SUCO: variants seen among roughly 807,000 people sequenced by gnomAD.
SUCO encodes SUN domain containing ossification factor.
A neutral mutation model predicts 148.1 loss-of-function variants in SUCO; 57 were observed. That is an observed-to-expected ratio of 0.38 (90% CI 0.31 to 0.48). The LOEUF (loss-of-function observed/expected upper bound fraction) is 0.48. Among genes scored for constraint, SUCO ranks in the 20% least tolerant of loss-of-function variants. The pLI, the probability that SUCO is intolerant of heterozygous loss-of-function variation, is 0.96. For missense variants in SUCO, 1,331 were observed against 1,468.2 expected, an observed-to-expected ratio of 0.91 and a Z score of 1.53; for synonymous variants, 470 against 502.7, an observed-to-expected ratio of 0.93 and a Z score of 0.87.
chr1:172,573,919 C>A lies in SUCO; in HGVS notation c.1078C>A (p.Gln360Lys). 1 of 1,598,408 alleles carries A rather than the reference C, an allele frequency of 6.3e-7. No individual in the cohort carries two copies. Among genetic ancestry groups the A allele is most frequent in the South Asian group, 1.1e-5 (1 of 89,404 alleles). ...TGTTATTGAACTTTGTGAACCAATT[C>A]AAGTAAAACAGCTTGATATTGCAAA... is the stretch of plus-strand genomic sequence containing the variant. ...WFVIELCEPI[Q>K]VKQLDIANYE... The change falls in exon 10 of 24, where the codon CAA becomes AAA. Residue 360 changes from glutamine (Q) to lysine (K), a missense_variant. By Grantham distance (53) the Gln-to-Lys change is moderately conservative. This residue lies in a region of SUCO where 992 missense variants were observed against 1,093.5 expected (regional missense o/e 0.91). Transcript: ENST00000263688.
At chr1:172,584,965 T>A in intron 15 of SUCO, 53 bp from the exon 16 acceptor site, 1 of 1,154,996 alleles carries the variant, frequency 8.7e-7, no homozygotes, top group Non-Finnish European at 1.2e-6. Context: ...GATATTAATT[T>A]ATATTAGAAT....
At position 172,588,951 on chromosome 1, in the gene SUCO, G is replaced by A. The variant is rs748900289; in HGVS notation, c.1850G>A (p.Cys617Tyr). 2.5e-6 allele frequency: 4 copies of A among 1,611,160 alleles called. No homozygotes were observed. Among genetic ancestry groups the A allele is most frequent in the Admixed American group, 1.7e-5 (1 of 59,576 alleles). The change falls in exon 18 of 24, where the codon TGC becomes TAC. Residue 617 changes from cysteine to tyrosine, a missense_variant. Physicochemically the swap from Cys to Tyr is radical, Grantham distance 194 (BLOSUM62 -2). Transcript: ENST00000263688. ...TTTGAGTCAGAGACACAAATATTTT[G>A]CAGTGAACTGACCACAATTTGTTGT... ...PWFESETQIF[C>Y]SELTTICCIS...
chr1:172,557,181 G>C (rs558031111), intron 4 of SUCO, 99 bp from the exon 5 acceptor site: 2 of 1,435,218 alleles, frequency 1.4e-6, no homozygotes, highest in Admixed American at 5.6e-5. Context: ...TTCTTTCTTT[G>C]GTTTACATTA....
intron 1 of SUCO, among the ~76,000 whole-genome samples, chr1:172,533,774 C>T (rs1651802659): frequency 6.6e-6 from 1 of 152,166 alleles, no homozygotes; most frequent in Non-Finnish European, 1.5e-5. Context: ...TACTCAGTTC[C>T]TCTACCCCTT....
intron 1 of SUCO, among the ~76,000 whole-genome samples, chr1:172,537,438 TTGGCTGTGCTTGCATTA>T (rs1652108892): frequency 6.6e-6 from 1 of 152,150 alleles, no homozygotes; most frequent in African/African-American, 2.4e-5. Flanking sequence ...CATTTTCTTG[TTGGCTGTGCTTGCATTA>T]TTAAATTCTT....
intron 9 of SUCO, among the ~76,000 whole-genome samples, chr1:172,571,206 G>A (rs1412351709): frequency 3.9e-5 from 6 of 152,258 alleles, no homozygotes; most frequent in South Asian, 4.1e-4. Context: ...TTGCAGGCGC[G>A]CGCCACCACG....
In SUCO at chr1:172,588,363, C is replaced by G. The variant is rs116262799; in HGVS notation, c.1659-397C>G. On this transcript the variant is annotated intron_variant, in intron 17 of 23. Transcript: ENST00000263688. ...TTTAAGCTAGTTTATTAAGCTAGCT[C>G]TTAGTTGGCTTAATTTCTGATGTGT... 2.0e-4 allele frequency: 197 copies of G among 985,236 alleles called. No homozygotes were observed. In the African/African-American group the frequency reaches 3.3e-3, roughly 16 times the overall value. 61.0% of individuals were successfully genotyped at this position (985,236 alleles called of 1,614,324 possible).
chr1:172,548,426 T>C (rs533190141), intron 1 of SUCO, among the ~76,000 whole-genome samples: 6 of 151,986 alleles, frequency 3.9e-5, no homozygotes, highest in Non-Finnish European at 8.8e-5. Context: ...TAGCAATGCC[T>C]ATCCATATAT....
At chr1:172,574,299 A>G (rs1454608959) in intron 10 of SUCO, among the ~76,000 whole-genome samples, 1 of 152,136 alleles carries the variant, frequency 6.6e-6, no homozygotes, top group African/African-American at 2.4e-5. Context: ...TTTAGAACCA[A>G]GATTCAGAAC....
At chr1:172,573,553 A>AGTCTAG (rs1285111247) in intron 9 of SUCO, among the ~76,000 whole-genome samples, 1 of 152,142 alleles carries the variant, frequency 6.6e-6, no homozygotes, top group Non-Finnish European at 1.5e-5. Context: ...ATGCCAAACT[A>AGTCTAG]TCCTCTAGAC....
chr1:172,577,137 A>G (rs1655505945), intron 11 of SUCO: 1 of 346,372 alleles, frequency 2.9e-6, no homozygotes, highest in Non-Finnish European at 4.1e-6. Context: ...GTGCATATAT[A>G]TCAATATATA....
chr1:172,546,394 G>C (rs1409435902), intron 1 of SUCO, among the ~76,000 whole-genome samples: 1 of 152,110 alleles, frequency 6.6e-6, no homozygotes, highest in South Asian at 2.1e-4. Context: ...TCAAGAATTG[G>C]TGATACTGGT....
intron 16 of SUCO, 116 bp from the exon 17 acceptor site, chr1:172,585,742 C>A: frequency 1.6e-6 from 1 of 643,596 alleles, no homozygotes. Context: ...AAAAAGTCTG[C>A]AGTAGCAAAC....
At chr1:172,575,673 T>C in intron 11 of SUCO, 50 bp downstream of exon 11, 1 of 1,271,358 alleles carries the variant, frequency 7.9e-7, no homozygotes, top group Non-Finnish European at 1.1e-6. Flanking sequence ...ATATACGTGT[T>C]ATTCACACTT....
chr1:172,596,480 C>A (rs1657107160), intron 19 of SUCO, among the ~76,000 whole-genome samples: 2 of 152,134 alleles, frequency 1.3e-5, no homozygotes, highest in Admixed American at 1.3e-4. Flanking sequence ...AATGTCCTTC[C>A]TGTTTGGTAG....
At chr1:172,545,886 G>A (rs1207022283) in intron 1 of SUCO, among the ~76,000 whole-genome samples, 3 of 152,016 alleles carry the variant, frequency 2.0e-5, no homozygotes, top group African/African-American at 2.4e-5. Flanking sequence ...CCTGCCTTCC[G>A]TCCTTCTGTC....
At chr1:172,586,690 A>AT (rs1656270319) in intron 17 of SUCO, among the ~76,000 whole-genome samples, 1 of 152,182 alleles carries the variant, frequency 6.6e-6, no homozygotes, top group South Asian at 2.1e-4. Context: ...CTTAAAGAGT[A>AT]TAAGATATTT....
chr1:172,557,400 T>A lies in SUCO; in HGVS notation c.564T>A (p.Phe188Leu). ...DASAPIEQPSFVSPPDSLVGQ... is the reference protein window; with the variant it reads ...DASAPIEQPSLVSPPDSLVGQ... The stretch of plus-strand genomic sequence containing the variant: ...GTGCTCCAATTGAACAACCTTCCTT[T>A]GTCAGTCCACCTGACAGGTGGGTAG... The change falls in exon 5 of 24, where the codon TTT becomes TTA. Residue 188 changes from phenylalanine (F) to leucine (L), a missense_variant. Phe to Leu is a conservative substitution (Grantham distance 22, BLOSUM62 0). Coordinates refer to ENST00000263688, the MANE Select transcript of SUCO (RefSeq NM_014283.5). The A allele has an allele frequency of 6.2e-7, 1 of 1,614,002 alleles. No homozygotes were observed. Among genetic ancestry groups the A allele is most frequent in the South Asian group, 1.1e-5 (1 of 91,074 alleles).
intron 1 of SUCO, among the ~76,000 whole-genome samples, chr1:172,538,730 A>C (rs1332336695): frequency 1.3e-5 from 2 of 152,188 alleles, no homozygotes; most frequent in East Asian, 3.8e-4. Flanking sequence ...GTGGAACTTA[A>C]TGTGAAAGAC....
Sources: gnomAD v4.1 joint callset for allele counts (sites outside exome capture counted in the v4.1 genomes callset) on GRCh38, gnomAD v4.1.1 for gene constraint, gnomAD v4.1.1 regional missense constraint, MANE v1.5 for transcripts, NCBI Gene and HGNC (gene_info 2026-07-23, HGNC 2026-07-21) for gene names.